The following UQCC1 variants were observed in gnomAD, a reference collection of about 807,000 sequenced individuals.
UQCC1 encodes the protein ubiquinol-cytochrome c reductase complex assembly factor 1.
Under a neutral mutation model 48.0 loss-of-function variants are expected in UQCC1, and 38 were observed. The observed-to-expected ratio is 0.79, with a 90% CI of 0.61 to 1.04. The LOEUF (loss-of-function observed/expected upper bound fraction) is 1.04, where lower values mean the gene tolerates loss of function less well. Among genes scored for constraint, UQCC1 ranks in the 50% least tolerant of loss-of-function variants. The pLI, the probability that UQCC1 is intolerant of heterozygous loss-of-function variation, is 0.00. For missense variants in UQCC1, 368 were observed against 381.8 expected (o/e 0.96, Z 0.30); for synonymous variants, 111 against 129.2 (o/e 0.86, Z 0.95).
intron 6 of UQCC1, among the ~76,000 whole-genome samples, chr20:35,352,135 G>A (rs1293257669): frequency 6.6e-6 from 1 of 152,226 alleles, no homozygotes; most frequent in East Asian, 1.9e-4. Flanking sequence ...ATGAAACACT[G>A]TACCTGGATC....
intron 3 of UQCC1, 80 bp downstream of exon 3, chr20:35,383,958 T>C (rs962662833): frequency 2.4e-6 from 3 of 1,275,750 alleles, no homozygotes; most frequent in Non-Finnish European, 3.4e-6. Context: ...AAAACTCACC[T>C]AGCTAACAAT....
At chr20:35,397,597 C>T (rs1375392982) in intron 1 of UQCC1, among the ~76,000 whole-genome samples, 8 of 150,892 alleles carry the variant, frequency 5.3e-5, no homozygotes, top group African/African-American at 1.2e-4. Context: ...TTTCTCGTCA[C>T]TACTCCCTAA....
In UQCC1 at chr20:35,302,593, A is replaced by T. The variant is rs768534671; in HGVS notation, c.*1342T>A. ...CCAGGAGCAGTTAGGTACACACAGTAAAGTTTATTTTGGTGCATGGTATAC... is the reference window on the plus strand; with the variant it reads ...CCAGGAGCAGTTAGGTACACACAGTTAAGTTTATTTTGGTGCATGGTATAC... On this transcript the variant is annotated 3_prime_UTR_variant, in exon 10 of 10. Coordinates refer to ENST00000374385, the MANE Select transcript of UQCC1 (RefSeq NM_018244.5). 6.6e-6 allele frequency: 1 copy of T among 152,242 alleles called. No individual in the cohort carries two copies. The highest frequency in any genetic ancestry group is 2.4e-5 in the African/African-American group (1 of 41,460). 9.4% of individuals were successfully genotyped at this position (152,242 alleles called of 1,614,324 possible). A position where few individuals can be genotyped will look rare whatever the true frequency, so the allele number is the denominator to read the frequency against.
At chr20:35,392,771 A>G (rs372653114) in intron 2 of UQCC1, among the ~76,000 whole-genome samples, 1 of 152,088 alleles carries the variant, frequency 6.6e-6, no homozygotes, top group African/African-American at 2.4e-5. Flanking sequence ...CTTACACATT[A>G]ATTGGAGGGA....
chr20:35,347,320 C>T (rs2061442615), intron 6 of UQCC1, 48 bp from the exon 7 acceptor site: 2 of 1,605,552 alleles, frequency 1.2e-6, no homozygotes, highest in Admixed American at 3.3e-5. Flanking sequence ...GCATTTTTCA[C>T]ATCACACATT....
At chr20:35,359,848 C>T (rs1057125556) in intron 6 of UQCC1, among the ~76,000 whole-genome samples, 1 of 152,154 alleles carries the variant, frequency 6.6e-6, no homozygotes, top group African/African-American at 2.4e-5. Flanking sequence ...TAAGCTGGCA[C>T]ACTGACCCTT....
At chr20:35,330,617 C>T (rs1323227503) in intron 7 of UQCC1, among the ~76,000 whole-genome samples, 1 of 152,200 alleles carries the variant, frequency 6.6e-6, no homozygotes, top group Non-Finnish European at 1.5e-5. Context: ...ACGTTATGAA[C>T]CCCACATTTG....
At chr20:35,369,871 C>T (rs2061710259) in intron 5 of UQCC1, among the ~76,000 whole-genome samples, 3 of 152,158 alleles carry the variant, frequency 2.0e-5, no homozygotes, top group Admixed American at 6.5e-5. Flanking sequence ...CAACCACAGA[C>T]TCAGAATGTA....
At chr20:35,409,047 A>G (rs2062298077) in intron 1 of UQCC1, among the ~76,000 whole-genome samples, 1 of 152,162 alleles carries the variant, frequency 6.6e-6, no homozygotes, top group Non-Finnish European at 1.5e-5. Context: ...GGGAGAAAAG[A>G]CTATAGAGAG....
chr20:35,382,511 T>C (rs1272035380), intron 3 of UQCC1, among the ~76,000 whole-genome samples: 1 of 145,756 alleles, frequency 6.9e-6, no homozygotes, highest in Non-Finnish European at 1.5e-5. Flanking sequence ...TTTTCTTTTT[T>C]CTTTTTTTTT....
intron 7 of UQCC1, among the ~76,000 whole-genome samples, chr20:35,335,987 C>T (rs920916780): frequency 3.9e-5 from 6 of 151,914 alleles, no homozygotes; most frequent in South Asian, 2.1e-4. Flanking sequence ...GTGGGCAGCA[C>T]GGAGAGAACC....
intron 6 of UQCC1, among the ~76,000 whole-genome samples, chr20:35,350,455 G>C (rs1372383726): frequency 2.0e-5 from 3 of 152,124 alleles, no homozygotes; most frequent in Non-Finnish European, 4.4e-5. Context: ...CTAGCACTTT[G>C]GGAGGCCAAG....
At chr20:35,390,421 C>CAAA (rs200508947) in intron 2 of UQCC1, among the ~76,000 whole-genome samples, 9 of 69,506 alleles carry the variant, frequency 1.3e-4, no homozygotes, top group African/African-American at 4.9e-4. Flanking sequence ...AACTCCGTCT[C>CAAA]AAAAAAAAAA....
At chr20:35,306,062 C>T (rs1446292211) in intron 9 of UQCC1, among the ~76,000 whole-genome samples, 2 of 152,074 alleles carry the variant, frequency 1.3e-5, no homozygotes, top group Non-Finnish European at 2.9e-5. Context: ...GGAATTAATT[C>T]CCCGGGGCTT....
At position 35,398,763 on chromosome 20, in the gene UQCC1, G is replaced by T. The variant is rs1886693; in HGVS notation, c.25-4567C>A. 4.6e-5 allele frequency among the ~76,000 whole-genome samples: 6 copies of T among 129,524 alleles called. 1 individual carries two copies. The highest frequency in any genetic ancestry group is 2.3e-4 in the East Asian group (1 of 4,414). 85.0% of individuals were successfully genotyped at this position (129,524 alleles called of 152,430 possible). A position where few individuals can be genotyped will look rare whatever the true frequency, so the allele number is the denominator to read the frequency against. ...ATTCAGGGCCAAAGGTGGGGGGGGG[G>T]GGGGGGCGGTGCAGGGGGAGCAAGA... On this transcript the variant is annotated intron_variant, in intron 1 of 9. Transcript: ENST00000374385.
intron 7 of UQCC1, among the ~76,000 whole-genome samples, chr20:35,321,298 G>T (rs1026551576): frequency 6.6e-6 from 1 of 151,850 alleles, no homozygotes. Flanking sequence ...GCGCGCGCGC[G>T]CACGCTCAGG....
intron 7 of UQCC1, chr20:35,345,784 A>G (rs1185536222): frequency 6.6e-6 from 1 of 152,172 alleles, no homozygotes; most frequent in Non-Finnish European, 1.5e-5. Context: ...CTTTTATAAT[A>G]TGTTTATTTC....
At chr20:35,305,310 C>T (rs999029967) in intron 9 of UQCC1, among the ~76,000 whole-genome samples, 9 of 152,216 alleles carry the variant, frequency 5.9e-5, no homozygotes, top group African/African-American at 1.2e-4. Flanking sequence ...AACCCCTTCA[C>T]GGTTTTTCCA....
chr20:35,331,182 TGCCCC>T (rs757280391), intron 7 of UQCC1, among the ~76,000 whole-genome samples: 18 of 152,108 alleles, frequency 1.2e-4, no homozygotes, highest in Non-Finnish European at 1.3e-4. Context: ...ATCTCCTACT[TGCCCC>T]ATAACCATAC....
Sources: gnomAD v4.1 joint callset for allele counts (sites outside exome capture counted in the v4.1 genomes callset) on GRCh38, gnomAD v4.1.1 for gene constraint, MANE v1.5 for transcripts, NCBI Gene and HGNC (gene_info 2026-07-23, HGNC 2026-07-21) for gene names.